The following SYCP2L variants were observed in gnomAD, a reference collection of about 807,000 sequenced individuals.
SYCP2L encodes synaptonemal complex protein 2-like.
A neutral mutation model predicts 125.8 loss-of-function variants in SYCP2L; 98 were observed. The ratio of observed to expected loss-of-function variants is 0.78; its 90% CI spans 0.66 to 0.92. SYCP2L has a LOEUF of 0.92. Ranked by LOEUF, SYCP2L falls within the 40% of genes least tolerant of loss-of-function variation. The probability of loss-of-function intolerance (pLI) is 0.00; values close to 1 mark genes in which losing one functional copy is unlikely to be tolerated. For synonymous variants in SYCP2L, 317 were observed against 325.4 expected (o/e 0.97, Z 0.28); for missense variants, 842 against 936.4 (o/e 0.90, Z 1.32).
chr6:10,912,664 C>A lies in SYCP2L; in HGVS notation c.919-9C>A, dbSNP rs1780630810. The A allele has an allele frequency of 6.2e-7, 1 of 1,604,340 alleles. No homozygotes were observed. ...TGTGTATAAGTCATGCTGAAATGAT[C>A]TCTTACAGATGAGAAAACCAGCGGA... On this transcript the variant is annotated splice_polypyrimidine_tract_variant and intron_variant, in intron 12 of 29. Coordinates refer to ENST00000283141, the MANE Select transcript of SYCP2L (RefSeq NM_001040274.3). The surrounding 1 kb of genome is among the most constrained non-coding windows in gnomAD (Gnocchi z 4.1).
At position 10,893,921 on chromosome 6, in the gene SYCP2L, G is replaced by C; in HGVS notation, c.133G>C (p.Glu45Gln). ...FHDKGFQKIK[E>Q]YFQQKESHFP... ...TGATAAAGGATTTCAGAAAATAAAA[G>C]AATACTTTCAACAGAAAGAGAGCCA... Residue 45 changes from glutamate to glutamine, a missense_variant, in exon 3 of 30, where the codon GAA becomes CAA. Physicochemically the swap from Glu to Gln is conservative, Grantham distance 29 (BLOSUM62 2). Transcript: ENST00000283141. 1.2e-6 allele frequency: 2 copies of C among 1,612,460 alleles called. No individual in the cohort carries two copies. The highest frequency in any genetic ancestry group is 1.7e-6 in the Non-Finnish European group (2 of 1,179,464).
intron 28 of SYCP2L, 122 bp from the exon 29 acceptor site, chr6:10,963,660 C>G (rs1781628322): frequency 1.1e-6 from 1 of 922,128 alleles, no homozygotes; most frequent in Non-Finnish European, 1.7e-6. Context: ...GTGTTGGTGT[C>G]TATAATTAAG....
chr6:10,926,507 C>CTGGAAACCTG, intron 16 of SYCP2L, 75 bp downstream of exon 16: 10 of 1,169,364 alleles, frequency 8.6e-6, no homozygotes, highest in South Asian at 1.3e-5. Context: ...GAAGAGGTCA[C>CTGGAAACCTG]TGGAAACCTG....
At chr6:10,935,276 C>A in intron 21 of SYCP2L, 89 bp downstream of exon 21, 4 of 1,286,190 alleles carry the variant, frequency 3.1e-6, no homozygotes, top group Non-Finnish European at 4.3e-6. Flanking sequence ...ATTTTAATAT[C>A]TATTAAAGAA....
intron 4 of SYCP2L, among the ~76,000 whole-genome samples, chr6:10,895,108 C>T (rs1780235668): frequency 6.6e-6 from 1 of 152,198 alleles, no homozygotes; most frequent in African/African-American, 2.4e-5. Flanking sequence ...TTTATGCAAA[C>T]CGTATATATT....
chr6:10,959,869 C>CAAA (rs201059528), intron 26 of SYCP2L, among the ~76,000 whole-genome samples: 19,906 of 125,730 alleles, frequency 0.16, 2,089 homozygotes, highest in East Asian at 0.37. Context: ...AACTCTGTCT[C>CAAA]AAAAAAAAAA....
chr6:10,947,507 G>A (rs985747031), intron 23 of SYCP2L, among the ~76,000 whole-genome samples: 1 of 151,950 alleles, frequency 6.6e-6, no homozygotes, highest in Non-Finnish European at 1.5e-5. Flanking sequence ...GTATTTTTGG[G>A]TAATTCCTAG....
intron 21 of SYCP2L, among the ~76,000 whole-genome samples, chr6:10,940,161 A>G (rs920898859): frequency 3.3e-5 from 5 of 152,234 alleles, no homozygotes; most frequent in African/African-American, 9.6e-5. Flanking sequence ...CCAGATAGCT[A>G]TTATCGAAAA....
chr6:10,903,637 G>A (rs1224530812), intron 8 of SYCP2L, among the ~76,000 whole-genome samples: 1 of 152,112 alleles, frequency 6.6e-6, no homozygotes, highest in Non-Finnish European at 1.5e-5. Context: ...TATAGTCCCA[G>A]CTATTCAGGA....
At chr6:10,925,714 G>A (rs1451829356) in intron 15 of SYCP2L, among the ~76,000 whole-genome samples, 7 of 152,026 alleles carry the variant, frequency 4.6e-5, no homozygotes, top group African/African-American at 1.7e-4. Flanking sequence ...TAATGACATG[G>A]TCTTTTTACA....
At chr6:10,923,809 G>A (rs1379398066) in intron 14 of SYCP2L, among the ~76,000 whole-genome samples, 1 of 150,084 alleles carries the variant, frequency 6.7e-6, no homozygotes, top group Non-Finnish European at 1.5e-5. Flanking sequence ...TCAGCCTCCC[G>A]AATAGCTGGG....
At position 10,961,333 on chromosome 6, in the gene SYCP2L, T is replaced by G; in HGVS notation, c.2284T>G (p.Leu762Val). ...RLNKLERFQN[L>V]VLQELSSLKQ... The stretch of plus-strand genomic sequence containing the variant: ...CAATAAACTAGAGCGCTTTCAAAAT[T>G]TGGTTCTTCAAGAGTTGAGCAGTCT... Residue 762 changes from leucine to valine, a missense_variant, in exon 27 of 30, where the codon TTG becomes GTG. By Grantham distance (32) the Leu-to-Val change is conservative. Transcript: ENST00000283141. The G allele has an allele frequency of 6.2e-7, 1 of 1,614,176 alleles. No individual in the cohort carries two copies. Among genetic ancestry groups the G allele is most frequent in the Non-Finnish European group, 8.5e-7 (1 of 1,180,008 alleles).
At chr6:10,909,223 G>A (rs1780560942) in intron 10 of SYCP2L, among the ~76,000 whole-genome samples, 1 of 147,868 alleles carries the variant, frequency 6.8e-6, no homozygotes, top group African/African-American at 2.5e-5. Flanking sequence ...CCGCCTCCTG[G>A]GTGCAAGCAA....
At chr6:10,961,203 G>T in intron 26 of SYCP2L, 102 bp from the exon 27 acceptor site, 1 of 891,538 alleles carries the variant, frequency 1.1e-6, no homozygotes, top group Non-Finnish European at 1.8e-6. Context: ...GAAATGTCTG[G>T]AGAAGAGTCT....
In SYCP2L at chr6:10,887,339, T is replaced by C. The variant is rs9467806; in HGVS notation, c.9+204T>C. 5.5e-3 allele frequency among the ~76,000 whole-genome samples: 841 copies of C among 152,282 alleles called. 6 individuals are homozygous for C. The highest frequency in any genetic ancestry group is 0.019 in the African/African-American group (781 of 41,554). ...GACCAGGCAGAATAGAAACCTCGGATCCCTAGCTAAATAGCGCTCAGGGAA... is the reference window on the plus strand; with the variant it reads ...GACCAGGCAGAATAGAAACCTCGGACCCCTAGCTAAATAGCGCTCAGGGAA... On this transcript the variant is annotated intron_variant, in intron 1 of 29. Coordinates refer to ENST00000283141, the MANE Select transcript of SYCP2L (RefSeq NM_001040274.3).
At chr6:10,894,857 G>A (rs1780230658) in intron 4 of SYCP2L, among the ~76,000 whole-genome samples, 1 of 152,174 alleles carries the variant, frequency 6.6e-6, no homozygotes. Context: ...ACGAGGAGAT[G>A]TGGGGAAGAA....
chr6:10,921,985 G>A (rs1042574635), intron 14 of SYCP2L, among the ~76,000 whole-genome samples: 5 of 152,166 alleles, frequency 3.3e-5, no homozygotes, highest in African/African-American at 4.8e-5. Context: ...GATTACAGGC[G>A]TGAGCCAACA....
chr6:10,894,064 C>A, intron 3 of SYCP2L, 21 bp from the exon 4 acceptor site: 1 of 1,603,716 alleles, frequency 6.2e-7, no homozygotes, highest in Non-Finnish European at 8.5e-7. Context: ...AGTGTTTTAA[C>A]TTAGTGTGGT....
At position 10,923,752 on chromosome 6, in the gene SYCP2L, C is replaced by T. The variant is rs531341403; in HGVS notation, c.1073-744C>T. On this transcript the variant is annotated intron_variant, in intron 14 of 29. Transcript: ENST00000283141. ...AGGCTGGAGTGCAGTGGCACGATCTCGGCTCACTGCAAGCTCCGCCTCCTG... is the reference window on the plus strand; with the variant it reads ...AGGCTGGAGTGCAGTGGCACGATCTTGGCTCACTGCAAGCTCCGCCTCCTG... Among the ~76,000 whole-genome samples the T allele has an allele frequency of 1.1e-3, 164 of 146,450 alleles. 4 individuals carry two copies. The highest frequency in any genetic ancestry group is 9.5e-3 in the Admixed American group (135 of 14,216).
Sources: allele counts gnomAD v4.1 joint callset (sites outside exome capture counted in the v4.1 genomes callset), GRCh38; gene constraint gnomAD v4.1.1; non-coding constraint Gnocchi (gnomAD v3.1); transcripts MANE v1.5; gene names NCBI Gene and HGNC (gene_info 2026-07-23, HGNC 2026-07-21).